The following GYG2 variants were observed in gnomAD, a reference collection of about 807,000 sequenced individuals.
GYG2 encodes glycogenin-2.
Under a neutral mutation model 29.4 loss-of-function variants are expected in GYG2, and 29 were observed. The ratio of observed to expected loss-of-function variants is 0.99; its 90% CI spans 0.74 to 1.35. The LOEUF is 1.35. Among genes scored for constraint, GYG2 ranks in the 40% most tolerant of loss-of-function variants. GYG2 has a pLI of 0.00. For missense variants in GYG2, 370 were observed against 385.7 expected (o/e 0.96, Z 0.34); for synonymous variants, 167 against 172.3 (o/e 0.97, Z 0.24).
At position 2,870,885 on chromosome X, in the gene GYG2, A is replaced by C. The variant is rs750465443; in HGVS notation, c.1039-4925A>C. On this transcript the variant is annotated intron_variant, in intron 8 of 10. Transcript: ENST00000398806. ...TTTTGCTTGCTCTTGATTTTCACTC[A>C]TTTGGTCTTTTCTTGTTGTATGATA... 2.7e-5 allele frequency among the ~76,000 whole-genome samples: 3 copies of C among 111,827 alleles called. No homozygotes were observed. In the East Asian group the frequency reaches 8.5e-4, roughly 32 times the overall value.
chrX:2,846,055 ATTTTTTTTTTTTTTT>A (rs374480210), intron 3 of GYG2, among the ~76,000 whole-genome samples: 464 of 38,624 alleles, frequency 0.012, 13 homozygotes, highest in African/African-American at 0.039. Context: ...ATATATATAT[ATTTTTTTTTTTTTTT>A]TTTTTTTTTT....
Position 2,864,104 on chromosome X carries a change from C to G in GYG2, c.1038+2382C>G, listed in dbSNP as rs188744952. ...GATGTGTATTGAAAATAATTGAATGCTCAAACTCCTAGCCTAAAAAAGAAA... is the reference window on the plus strand; with the variant it reads ...GATGTGTATTGAAAATAATTGAATGGTCAAACTCCTAGCCTAAAAAAGAAA... On this transcript the variant is annotated intron_variant, in intron 8 of 10. Transcript: ENST00000398806. Among the ~76,000 whole-genome samples the G allele has an allele frequency of 6.8e-3, 758 of 111,665 alleles. 7 individuals carry two copies. The highest frequency in any genetic ancestry group is 0.022 in the African/African-American group (687 of 30,715).
chrX:2,831,461 C>T (rs1275327998), intron 2 of GYG2, among the ~76,000 whole-genome samples: 2 of 111,561 alleles, frequency 1.8e-5, no homozygotes, highest in Non-Finnish European at 3.8e-5. Context: ...CCTGTTTGTT[C>T]CCACTCTGGA....
At chrX:2,873,363 C>A (rs915563942) in intron 8 of GYG2, among the ~76,000 whole-genome samples, 1 of 109,462 alleles carries the variant, frequency 9.1e-6, no homozygotes, top group East Asian at 2.9e-4. Context: ...TTAAAAATTT[C>A]TCTCCAGCTG....
At chrX:2,865,029 G>A (rs139355265) in intron 8 of GYG2, among the ~76,000 whole-genome samples, 2,822 of 111,495 alleles carry the variant, frequency 0.025, 78 homozygotes, top group African/African-American at 0.086. Flanking sequence ...AAAGTTCTGG[G>A]ATTACAAGTG....
chrX:2,873,563 G>T (rs12008127), intron 8 of GYG2, among the ~76,000 whole-genome samples: 398 of 109,758 alleles, frequency 3.6e-3, no homozygotes, highest in Non-Finnish European at 5.9e-3. Context: ...TCCTCCTGCT[G>T]CTGTTCTTGG....
intron 8 of GYG2, among the ~76,000 whole-genome samples, chrX:2,868,256 C>T (rs1185343574): frequency 9.2e-6 from 1 of 109,219 alleles, no homozygotes; most frequent in African/African-American, 3.3e-5. Flanking sequence ...ACCTGTAATC[C>T]TAGCATGTTG....
At position 2,854,130 on chromosome X, in the gene GYG2, T is replaced by C. The variant is rs752047384; in HGVS notation, c.300T>C (p.Cys100=). The part of the protein sequence containing the change: ...HCWTLTHYSK[C]VFLDADTLVL... Reference sequence around the variant, plus strand: ...GGACTCTCACTCACTACAGCAAGTGTGTCTTCCTGGATGCAGACACTCTGG... The same window carrying C: ...GGACTCTCACTCACTACAGCAAGTGCGTCTTCCTGGATGCAGACACTCTGG... Residue 100 remains cysteine (C), a synonymous_variant, in exon 4 of 11, where the codon TGT becomes TGC. Transcript: ENST00000398806. 1.7e-6 allele frequency: 2 copies of C among 1,197,564 alleles called. No homozygotes were observed. Among genetic ancestry groups the C allele is most frequent in the African/African-American group, 1.7e-5 (1 of 57,716 alleles).
At chrX:2,873,993 G>A (rs975552224) in intron 8 of GYG2, among the ~76,000 whole-genome samples, 2 of 111,249 alleles carry the variant, frequency 1.8e-5, no homozygotes, top group Non-Finnish European at 1.9e-5. Flanking sequence ...CTACTCAAGA[G>A]GCTGAGATAG....
intron 7 of GYG2, among the ~76,000 whole-genome samples, chrX:2,861,029 C>CT (rs1200287601): frequency 0.021 from 2,178 of 101,881 alleles, 57 homozygotes; most frequent in African/African-American, 0.072. Flanking sequence ...CAAGCCCGGC[C>CT]TTTTTTTTTT....
chrX:2,845,039 ATGTGTATGTATATATACACG>A (rs199798658), intron 3 of GYG2, among the ~76,000 whole-genome samples: 12,940 of 71,914 alleles, frequency 0.18, 1,554 homozygotes, highest in South Asian at 0.23. Context: ...TTATATACAC[ATGTGTATGTATATATACACG>A]TGTGTATGTA....
At chrX:2,879,974 A>G (rs1314014460) in intron 10 of GYG2, among the ~76,000 whole-genome samples, 1 of 111,938 alleles carries the variant, frequency 8.9e-6, no homozygotes, top group Non-Finnish European at 1.9e-5. Context: ...GAGATAGATG[A>G]TAGATAATAG....
chrX:2,877,096 T>C, intron 9 of GYG2, 104 bp from the exon 10 acceptor site: 1 of 1,081,873 alleles, frequency 9.2e-7, no homozygotes, highest in Middle Eastern at 2.7e-4. Context: ...ACCCAATAAT[T>C]TGATTTTATT....
chrX:2,843,411 T>C (rs1423696592), intron 3 of GYG2, 57 bp downstream of exon 3: 11 of 972,726 alleles, frequency 1.1e-5, no homozygotes, highest in African/African-American at 1.9e-5. Flanking sequence ...GAGGGTCACC[T>C]CTCCCCTAAG....
chrX:2,876,771 AC>A (rs374251591), intron 9 of GYG2, among the ~76,000 whole-genome samples: 3,160 of 108,680 alleles, frequency 0.029, 43 homozygotes, highest in Middle Eastern at 0.075. Context: ...ACACGGTGAA[AC>A]CCCCGTCTCT....
intron 3 of GYG2, among the ~76,000 whole-genome samples, chrX:2,847,416 C>A (rs914469968): frequency 1.0e-4 from 11 of 108,518 alleles, no homozygotes; most frequent in African/African-American, 3.7e-4. Context: ...AGGCCGGCCA[C>A]GGTGGCTCAT....
intron 6 of GYG2, among the ~76,000 whole-genome samples, chrX:2,859,459 G>A (rs1158468153): frequency 9.0e-6 from 1 of 110,570 alleles, no homozygotes; most frequent in African/African-American, 3.3e-5. Flanking sequence ...GTACTATGTT[G>A]ATAATAGTAG....
intron 9 of GYG2, among the ~76,000 whole-genome samples, chrX:2,876,723 C>T (rs900217272): frequency 1.8e-5 from 2 of 109,695 alleles, no homozygotes; most frequent in African/African-American, 6.6e-5. Context: ...CCGAGGCGGG[C>T]GGATCATGAG....
chrX:2,850,540 G>T (rs1007362814), intron 3 of GYG2, among the ~76,000 whole-genome samples: 5 of 111,467 alleles, frequency 4.5e-5, no homozygotes, highest in African/African-American at 1.6e-4. Context: ...AGGCCTCTGA[G>T]CCCAAGCTAA....
Sources: gnomAD v4.1 joint callset for allele counts (sites outside exome capture counted in the v4.1 genomes callset) on GRCh38, gnomAD v4.1.1 for gene constraint, MANE v1.5 for transcripts, NCBI Gene and HGNC (gene_info 2026-07-23, HGNC 2026-07-21) for gene names.